Variants in CCDC42 observed in about 807,000 individuals in gnomAD.
CCDC42 encodes the protein coiled-coil domain-containing protein 42.
In CCDC42, 38 loss-of-function variants were observed where a neutral mutation model predicts 40.8. The ratio of observed to expected loss-of-function variants is 0.93; its 90% CI spans 0.72 to 1.22. The LOEUF is 1.22. Among genes scored for constraint, CCDC42 ranks in the 50% most tolerant of loss-of-function variants. The pLI, the probability that CCDC42 is intolerant of heterozygous loss-of-function variation, is 0.00. For synonymous variants in CCDC42, 135 were observed against 157.5 expected (o/e 0.86, Z 1.07); for missense variants, 379 against 416.5 (o/e 0.91, Z 0.78).
intron 4 of CCDC42, among the ~76,000 whole-genome samples, chr17:8,740,393 C>T (rs184998136): frequency 1.4e-3 from 210 of 148,022 alleles, no homozygotes; most frequent in African/African-American, 5.0e-3. Flanking sequence ...GAGGCTGAGG[C>T]GGGAGAATCA....
At chr17:8,743,560 G>C (rs1226344868) in intron 3 of CCDC42, 66 bp downstream of exon 3, 2 of 890,292 alleles carry the variant, frequency 2.2e-6, no homozygotes, top group Non-Finnish European at 3.8e-6. Context: ...AGGAGGAGGA[G>C]TGCAGTTTGC....
rs377000095 is a variant in CCDC42 at position 8,744,204 on chromosome 17, G to C, written c.84-20C>G. Reference sequence around the variant, plus strand: ...AGTTTCCTGTCCAAGATGTGAACGCGAGAGGGCTGTGTGTTCTGACATGGG... The same window carrying C: ...AGTTTCCTGTCCAAGATGTGAACGCCAGAGGGCTGTGTGTTCTGACATGGG... On this transcript the variant is annotated intron_variant, in intron 1 of 6. Transcript: ENST00000293845. The C allele has an allele frequency of 6.3e-7, 1 of 1,581,032 alleles. No individual in the cohort carries two copies. The highest frequency in any genetic ancestry group is 8.7e-7 in the Non-Finnish European group (1 of 1,151,630).
At position 8,744,592 on chromosome 17, in the gene CCDC42, C is replaced by T; in HGVS notation, c.18G>A (p.Met6Ile). The T allele has an allele frequency of 6.2e-7, 1 of 1,612,598 alleles. No homozygotes were observed. The highest frequency in any genetic ancestry group is 2.2e-5 in the East Asian group (1 of 44,864). MSLGI[M>I]EEEDLAEYFR... ...AGTACTCGGCCAGGTCTTCCTCTTCCATGATGCCCAGACTCATGGTGGCAG... is the reference window on the plus strand; with the variant it reads ...AGTACTCGGCCAGGTCTTCCTCTTCTATGATGCCCAGACTCATGGTGGCAG... Residue 6 changes from methionine to isoleucine, a missense_variant, in exon 1 of 7, where the codon ATG becomes ATA. By Grantham distance (10) the Met-to-Ile change is conservative (BLOSUM62 1). Transcript: ENST00000293845.
intron 6 of CCDC42, among the ~76,000 whole-genome samples, chr17:8,731,038 G>A (rs1204570976): frequency 6.6e-6 from 1 of 152,198 alleles, no homozygotes; most frequent in Non-Finnish European, 1.5e-5. Context: ...TGACACGGAA[G>A]TCATGCTCCA....
At position 8,743,291 on chromosome 17, in the gene CCDC42, C is replaced by T. The variant is rs1022615987; in HGVS notation, c.294+335G>A. ...GACTAAAACTCTGTCTCATTCATCA[C>T]TGTATTTCCCAAGTGTTTAGTCCTA... On this transcript the variant is annotated intron_variant, in intron 3 of 6. Coordinates refer to ENST00000293845, the MANE Select transcript of CCDC42 (RefSeq NM_144681.3). Among the ~76,000 whole-genome samples, 7 of 152,152 alleles carry T rather than the reference C, an allele frequency of 4.6e-5. No individual in the cohort carries two copies. The East Asian group carries it at 9.6e-4, about 21-fold the overall frequency.
chr17:8,736,107 C>T (rs1046791540), intron 4 of CCDC42, among the ~76,000 whole-genome samples: 1 of 152,196 alleles, frequency 6.6e-6, no homozygotes, highest in East Asian at 1.9e-4. Context: ...AAGCCAGGAG[C>T]TATGCTAAAT....
Position 8,741,638 on chromosome 17 carries a change from T to C in CCDC42, c.328A>G (p.Lys110Glu), listed in dbSNP as rs2086645911. The change falls in exon 4 of 7, where the codon AAA becomes GAA. Residue 110 changes from lysine (K) to glutamate (E), a missense_variant. Coordinates refer to ENST00000293845, the MANE Select transcript of CCDC42 (RefSeq NM_144681.3). ...NDQKRIRAMK[K>E]ANKERELKCQ... ...TTGAGTTCTCGCTCCTTGTTGGCTT[T>C]CTTCATGGCGCGGATCCGTTTCTGG... 1 of 1,613,616 alleles carries C rather than the reference T, an allele frequency of 6.2e-7. No homozygotes were observed. Among genetic ancestry groups the C allele is most frequent in the African/African-American group, 1.3e-5 (1 of 74,898 alleles).
At chr17:8,742,673 T>C (rs892836539) in intron 3 of CCDC42, among the ~76,000 whole-genome samples, 1 of 152,218 alleles carries the variant, frequency 6.6e-6, no homozygotes, top group African/African-American at 2.4e-5. Context: ...AGGACAGGAC[T>C]GAGGGAGTCT....
rs569846299 is a variant in CCDC42, at chr17:8,744,688, G to A, written c.-79C>T. ...GTAGCAGAGCCACAGGTGGCTCAGG[G>A]GTGGTGGCTGCACTCTTGTTTCTCC... On this transcript the variant is annotated 5_prime_UTR_variant, in exon 1 of 7. Transcript: ENST00000293845. 2.1e-6 allele frequency: 2 copies of A among 972,500 alleles called. No individual in the cohort carries two copies. The highest frequency in any genetic ancestry group is 3.1e-5 in the African/African-American group (2 of 63,792). The allele number at this position is 972,500 out of a possible 1,614,324, so 60.2% of individuals were successfully genotyped here.
chr17:8,732,869 T>C (rs2086589537), intron 6 of CCDC42, among the ~76,000 whole-genome samples: 1 of 152,200 alleles, frequency 6.6e-6, no homozygotes. Flanking sequence ...CATGACACAC[T>C]CGAAGGAATT....
chr17:8,743,599 A>T, intron 3 of CCDC42, 27 bp downstream of exon 3: 1 of 1,356,354 alleles, frequency 7.4e-7, no homozygotes, highest in Non-Finnish European at 1.1e-6. Context: ...TCCCCTGGCC[A>T]CTGCGGCCGC....
At chr17:8,744,232 A>G in intron 1 of CCDC42, 48 bp from the exon 2 acceptor site, 1 of 1,453,704 alleles carries the variant, frequency 6.9e-7, no homozygotes, top group Non-Finnish European at 9.6e-7. Flanking sequence ...GACATGGGGT[A>G]GGCTGGGGCT....
chr17:8,739,369 C>G (rs147591556), intron 4 of CCDC42, among the ~76,000 whole-genome samples: 1 of 152,132 alleles, frequency 6.6e-6, no homozygotes. Flanking sequence ...CACAGGTCGT[C>G]GCGCCAGCGG....
At chr17:8,742,181 C>T (rs533513212) in intron 3 of CCDC42, among the ~76,000 whole-genome samples, 11 of 152,224 alleles carry the variant, frequency 7.2e-5, no homozygotes, top group East Asian at 1.9e-4. Context: ...GGACCACTCC[C>T]GGACCAGAGC....
chr17:8,744,118 C>T lies in CCDC42; in HGVS notation c.150G>A (p.Glu50=), dbSNP rs746434944. 2.5e-6 allele frequency: 4 copies of T among 1,613,896 alleles called. No homozygotes were observed. In the African/African-American group the frequency reaches 4.0e-5, roughly 16 times the overall value. The change falls in exon 2 of 7, where the codon GAG becomes GAA. Residue 50 remains glutamate, a synonymous_variant. Coordinates refer to ENST00000293845, the MANE Select transcript of CCDC42 (RefSeq NM_144681.3). ...PSIWLLEKKK[E]TEIMHQTMVQ... ...CCATAGTTTGATGCATGATTTCTGT[C>T]TCCTTTTTCTTCTCCAGTAGCCAGA...
chr17:8,736,886 T>A (rs948363194), intron 4 of CCDC42, among the ~76,000 whole-genome samples: 3 of 143,312 alleles, frequency 2.1e-5, no homozygotes, highest in African/African-American at 7.9e-5. Context: ...GAGTTCAAGA[T>A]GGGGAGGGAG....
chr17:8,735,309 G>T lies in CCDC42; in HGVS notation c.715-55C>A, dbSNP rs904451571. 4 of 1,611,212 alleles carry T rather than the reference G, an allele frequency of 2.5e-6. No individual in the cohort carries two copies. Among genetic ancestry groups the T allele is most frequent in the Non-Finnish European group, 3.4e-6 (4 of 1,177,658 alleles). On this transcript the variant is annotated intron_variant, in intron 5 of 6. Transcript: ENST00000293845. This position sits in a 1 kb window ranked among gnomAD's most constrained non-coding sequence, Gnocchi z 4.7. ...CACAGCATGTGGTGTGTGTGTGTTT[G>T]TGTGTATGTGTGTGTGTGTATGCTC...
intron 2 of CCDC42, 26 bp downstream of exon 2, chr17:8,744,053 T>G: frequency 4.7e-6 from 6 of 1,281,912 alleles, no homozygotes; most frequent in Non-Finnish European, 5.6e-6. Context: ...TTCCTGCCCC[T>G]CTGCACTCCA....
At chr17:8,731,876 C>T (rs1024709495) in intron 6 of CCDC42, among the ~76,000 whole-genome samples, 1 of 152,184 alleles carries the variant, frequency 6.6e-6, no homozygotes, top group Non-Finnish European at 1.5e-5. Flanking sequence ...ATATAACAAA[C>T]CTGCTTGGCT....
Sources: allele counts gnomAD v4.1 joint callset (sites outside exome capture counted in the v4.1 genomes callset), GRCh38; gene constraint gnomAD v4.1.1; non-coding constraint Gnocchi (gnomAD v3.1); transcripts MANE v1.5; gene names NCBI Gene and HGNC (gene_info 2026-07-23, HGNC 2026-07-21).